DNAH12: variants seen among roughly 807,000 people sequenced by gnomAD.
DNAH12 encodes the protein dynein axonemal heavy chain 12, also known as axonemal beta dynein heavy chain 12.
Under a neutral mutation model 371.5 loss-of-function variants are expected in DNAH12, and 285 were observed. The observed-to-expected ratio is 0.77, with a 90% CI of 0.70 to 0.85. The LOEUF is 0.85. Ranked by LOEUF, DNAH12 falls within the 40% of genes least tolerant of loss-of-function variation. The pLI, the probability that DNAH12 is intolerant of heterozygous loss-of-function variation, is 0.00. For missense variants in DNAH12, 3,611 were observed against 3,689.4 expected (o/e 0.98, Z 0.55); for synonymous variants, 1,200 against 1,213.0 (o/e 0.99, Z 0.22).
Position 57,408,660 on chromosome 3 carries a change from C to T in DNAH12, c.6021-125G>A, listed in dbSNP as rs977253640. ...CTCTAAAAGGAATAACTTCAGATAA[C>T]ACTTTGAGTAGGAGAGAAATTTTTT... is the stretch of plus-strand genomic sequence containing the variant. On this transcript the variant is annotated intron_variant, in intron 39 of 73. Coordinates refer to ENST00000495027, the MANE Select transcript of DNAH12 (RefSeq NM_001366028.2). 43 of 1,223,678 alleles carry T rather than the reference C, an allele frequency of 3.5e-5. No homozygotes were observed. In the African/African-American group the frequency reaches 4.4e-4, roughly 12 times the overall value. The allele number at this position is 1,223,678 out of a possible 1,614,324, so 75.8% of individuals were successfully genotyped here. A position where few individuals can be genotyped will look rare whatever the true frequency, so the allele number is the denominator to read the frequency against.
chr3:57,397,752 C>T (rs975805080), intron 43 of DNAH12, among the ~76,000 whole-genome samples: 2 of 152,170 alleles, frequency 1.3e-5, no homozygotes, highest in African/African-American at 4.8e-5. Context: ...AAAGAAGACA[C>T]GTCCCCAGAA....
chr3:57,295,095 T>G (rs556143374), intron 73 of DNAH12, among the ~76,000 whole-genome samples: 2 of 152,322 alleles, frequency 1.3e-5, no homozygotes, highest in African/African-American at 4.8e-5. Flanking sequence ...GCAACATCTA[T>G]GCCTTGGGGG....
intron 37 of DNAH12, among the ~76,000 whole-genome samples, chr3:57,418,282 G>A (rs963366566): frequency 1.4e-5 from 2 of 147,816 alleles, no homozygotes; most frequent in African/African-American, 2.5e-5. Context: ...CAGGCACGGT[G>A]TAATCCTAGC....
chr3:57,361,473 T>TATATATATATATATATATATATA (rs1575503074), intron 58 of DNAH12, among the ~76,000 whole-genome samples: 3 of 141,988 alleles, frequency 2.1e-5, no homozygotes, highest in African/African-American at 8.6e-5. Flanking sequence ...TATATATATC[T>TATATATATATATATATATATATA]CATTCAGCTC....
At chr3:57,414,494 T>TA (rs1015737182) in intron 38 of DNAH12, among the ~76,000 whole-genome samples, 4 of 152,152 alleles carry the variant, frequency 2.6e-5, no homozygotes, top group Admixed American at 2.0e-4. Flanking sequence ...ACTCAGGTAA[T>TA]AAGCATAGTA....
At chr3:57,450,503 G>A (rs949371512) in intron 25 of DNAH12, among the ~76,000 whole-genome samples, 5 of 152,146 alleles carry the variant, frequency 3.3e-5, no homozygotes, top group Non-Finnish European at 2.9e-5. Flanking sequence ...AGCCGAGATC[G>A]CACCATTGCA....
intron 62 of DNAH12, among the ~76,000 whole-genome samples, chr3:57,330,326 A>G (rs2062064585): frequency 6.6e-6 from 1 of 151,636 alleles, no homozygotes; most frequent in South Asian, 2.1e-4. Context: ...ATGTCCAACA[A>G]TGATAGACTG....
intron 51 of DNAH12, 34 bp downstream of exon 51, chr3:57,380,244 T>A (rs2063360832): frequency 6.6e-6 from 1 of 152,170 alleles, no homozygotes; most frequent in Admixed American, 6.6e-5. Flanking sequence ...TTTAGCCAAG[T>A]CACATTTGTA....
chr3:57,498,948 G>A (rs2067412050), intron 11 of DNAH12, among the ~76,000 whole-genome samples: 1 of 152,046 alleles, frequency 6.6e-6, no homozygotes, highest in South Asian at 2.1e-4. Flanking sequence ...GCAGTGAGCC[G>A]AGATTGCACC....
intron 11 of DNAH12, among the ~76,000 whole-genome samples, chr3:57,499,647 A>ATATATATATATATATATATATATAT (rs1553711615): frequency 5.6e-5 from 1 of 17,946 alleles, no homozygotes; most frequent in Non-Finnish European, 1.2e-4. Flanking sequence ...AAAAAAAAAA[A>ATATATATATATATATATATATATAT]ATATATATAT....
chr3:57,490,698 G>T (rs892837404), intron 11 of DNAH12, among the ~76,000 whole-genome samples: 1 of 151,790 alleles, frequency 6.6e-6, no homozygotes, highest in African/African-American at 2.4e-5. Flanking sequence ...TCTAGGATGT[G>T]GTGAATTGGG....
chr3:57,414,705 G>C (rs1434330403), intron 38 of DNAH12, among the ~76,000 whole-genome samples: 1 of 151,966 alleles, frequency 6.6e-6, no homozygotes, highest in Non-Finnish European at 1.5e-5. Context: ...CTTTCTTATA[G>C]TTCTAATACT....
Position 57,310,944 on chromosome 3 carries a change from T to TA in DNAH12, c.10668dup (p.Ile3557TyrfsTer3). 6.5e-7 allele frequency: 1 copy of TA among 1,542,984 alleles called. No individual in the cohort carries two copies. ...AATGGAATTGTATCATATTCATTGA[T>TA]AAATAACTGAAGCAAAGGAAAAATG... On this transcript the variant is annotated frameshift_variant, in exon 67 of 74. Transcript: ENST00000495027. LOFTEE classifies it high-confidence loss of function.
intron 29 of DNAH12, among the ~76,000 whole-genome samples, chr3:57,441,692 T>C (rs2065310642): frequency 6.6e-6 from 1 of 152,010 alleles, no homozygotes; most frequent in Non-Finnish European, 1.5e-5. Flanking sequence ...CTTGGGAGGC[T>C]GAGATGGGAG....
chr3:57,492,320 C>T (rs1247739332), intron 11 of DNAH12, among the ~76,000 whole-genome samples: 2 of 151,970 alleles, frequency 1.3e-5, no homozygotes, highest in South Asian at 4.2e-4. Context: ...ATTAGCTGGG[C>T]GTGGTGGTGC....
intron 69 of DNAH12, among the ~76,000 whole-genome samples, chr3:57,306,189 C>T (rs993301720): frequency 6.6e-6 from 1 of 152,192 alleles, no homozygotes; most frequent in African/African-American, 2.4e-5. Flanking sequence ...AGCCCCTAAA[C>T]CATCACGGAT....
intron 11 of DNAH12, among the ~76,000 whole-genome samples, chr3:57,495,075 A>G (rs1428749679): frequency 6.6e-6 from 1 of 152,204 alleles, no homozygotes; most frequent in Non-Finnish European, 1.5e-5. Flanking sequence ...AATCCATCAG[A>G]AAGATATGAC....
At chr3:57,314,654 C>T (rs1559546017) in intron 65 of DNAH12, 23 bp from the exon 66 acceptor site, 1 of 1,504,160 alleles carries the variant, frequency 6.6e-7, no homozygotes, top group Non-Finnish European at 8.8e-7. Context: ...AAGTACATAA[C>T]AAGAAAAAAA....
chr3:57,474,088 T>C (rs2066449331), intron 13 of DNAH12, among the ~76,000 whole-genome samples: 1 of 152,152 alleles, frequency 6.6e-6, no homozygotes, highest in African/African-American at 2.4e-5. Context: ...AAATCTGCCA[T>C]CCACTGCTAT....
Sources: gnomAD v4.1 joint callset for allele counts (sites outside exome capture counted in the v4.1 genomes callset) on GRCh38, gnomAD v4.1.1 for gene constraint, MANE v1.5 for transcripts, NCBI Gene and HGNC (gene_info 2026-07-23, HGNC 2026-07-21) for gene names.